The following SOCS6 variants were observed in gnomAD, a reference collection of about 807,000 sequenced individuals.
SOCS6 encodes suppressor of cytokine signaling 6.
In SOCS6, 5 loss-of-function variants were observed where a neutral mutation model predicts 27.7. The observed-to-expected ratio is 0.18, with a 90% CI of 0.09 to 0.38. SOCS6 has a LOEUF of 0.38. Among genes scored for constraint, SOCS6 ranks in the 10% least tolerant of loss-of-function variants. The pLI is 1.00. For synonymous variants in SOCS6, 271 were observed against 260.0 expected (o/e 1.04, Z -0.41); for missense variants, 595 against 688.1 (o/e 0.86, Z 1.51).
At chr18:70,312,173 T>C (rs2062393165) in intron 1 of SOCS6, among the ~76,000 whole-genome samples, 1 of 152,222 alleles carries the variant, frequency 6.6e-6, no homozygotes, top group South Asian at 2.1e-4. Flanking sequence ...GGAGCCAGAA[T>C]ATAGTACGTG....
chr18:70,311,940 G>A (rs191320926), intron 1 of SOCS6, among the ~76,000 whole-genome samples: 1 of 150,144 alleles, frequency 6.7e-6, no homozygotes, highest in Non-Finnish European at 1.5e-5. Flanking sequence ...AAAATCAGTT[G>A]TGTGACTTTA....
intron 1 of SOCS6, among the ~76,000 whole-genome samples, chr18:70,308,985 T>A (rs574349094): frequency 4.6e-5 from 7 of 152,336 alleles, no homozygotes; most frequent in African/African-American, 1.4e-4. Context: ...GTTTCTTTTT[T>A]AAAAAAGATT....
At chr18:70,293,361 G>C (rs1197445118) in intron 1 of SOCS6, among the ~76,000 whole-genome samples, 1 of 152,140 alleles carries the variant, frequency 6.6e-6, no homozygotes, top group Non-Finnish European at 1.5e-5. Context: ...AGAGACAACT[G>C]TCACTGCCTG....
At position 70,326,293 on chromosome 18, in the gene SOCS6, C is replaced by T; in HGVS notation, c.*17C>T. ...CACTACTGAAAGATTGAGAACCCTGCATCTTGCACTTTGGGAATAAGAACA... is the reference window on the plus strand; with the variant it reads ...CACTACTGAAAGATTGAGAACCCTGTATCTTGCACTTTGGGAATAAGAACA... On this transcript the variant is annotated 3_prime_UTR_variant, in exon 2 of 2. Transcript: ENST00000397942. 1 of 1,575,320 alleles carries T rather than the reference C, an allele frequency of 6.3e-7. No individual in the cohort carries two copies. Among genetic ancestry groups the T allele is most frequent in the South Asian group, 1.2e-5 (1 of 85,740 alleles).
rs370311027 is a variant in SOCS6, at chr18:70,326,052, A to G, written c.1384A>G (p.Ile462Val). ...TSIVDLIEHS[I>V]RDSENGAFCY... ...CATAGTTGATCTAATTGAGCATTCA[A>G]TCAGGGACTCTGAAAATGGAGCTTT... The change falls in exon 2 of 2, where the codon ATC (isoleucine) becomes GTC (valine). Residue 462 changes from isoleucine to valine, a missense_variant. Ile to Val is a conservative substitution (Grantham distance 29). Around this residue, in one of 2 missense-constraint regions of SOCS6, gnomAD observed 128 missense variants for 207.0 expected, o/e 0.62. Transcript: ENST00000397942. 3.7e-5 allele frequency: 60 copies of G among 1,614,130 alleles called. No individual in the cohort carries two copies. Among genetic ancestry groups the G allele is most frequent in the Admixed American group, 2.0e-4 (12 of 60,012 alleles).
At chr18:70,323,564 G>A (rs946930976) in intron 1 of SOCS6, among the ~76,000 whole-genome samples, 2 of 152,136 alleles carry the variant, frequency 1.3e-5, no homozygotes, top group African/African-American at 4.8e-5. Context: ...AGACACATGG[G>A]TTTTTATGGG....
intron 1 of SOCS6, among the ~76,000 whole-genome samples, chr18:70,289,419 G>A (rs956900293): frequency 6.8e-6 from 1 of 147,646 alleles, no homozygotes; most frequent in Non-Finnish European, 1.5e-5. Context: ...GCGCGGCCGC[G>A]GACGGCTCTT....
chr18:70,321,312 GTTTTTTTTTTTT>G (rs763120236), intron 1 of SOCS6, among the ~76,000 whole-genome samples: 2 of 68,676 alleles, frequency 2.9e-5, no homozygotes, highest in Non-Finnish European at 5.2e-5. Flanking sequence ...AATTTTCTCA[GTTTTTTTTTTTT>G]TTTTTTTTTT....
At chr18:70,300,043 A>G (rs2053420) in intron 1 of SOCS6, among the ~76,000 whole-genome samples, 66,918 of 152,098 alleles carry the variant, frequency 0.44, 15,421 homozygotes, top group East Asian at 0.76. Flanking sequence ...ATGAATTGGC[A>G]TATATATTTA....
chr18:70,325,731 G>A lies in SOCS6; in HGVS notation c.1063G>A (p.Ala355Thr), dbSNP rs766630290. The A allele has an allele frequency of 1.9e-6, 3 of 1,614,220 alleles. No homozygotes were observed. Among genetic ancestry groups the A allele is most frequent in the East Asian group, 4.5e-5 (2 of 44,882 alleles). The change falls in exon 2 of 2, where the codon GCA becomes ACA. Residue 355 changes from alanine (A) to threonine (T), a missense_variant. Physicochemically the swap from Ala to Thr is moderately conservative, Grantham distance 58. This residue lies in a region of SOCS6 where 467 missense variants were observed against 481.1 expected (regional missense o/e 0.97). Coordinates refer to ENST00000397942, the MANE Select transcript of SOCS6 (RefSeq NM_004232.4). The surrounding 1 kb of genome is among the most constrained non-coding windows in gnomAD (Gnocchi z 6.3). ...NFDPNSAPGV[A>T]RVYDSVQSSG... Reference sequence around the variant, plus strand: ...TGATCCGAACTCTGCTCCTGGGGTTGCAAGAGTTTATGACTCAGTGCAAAG... The same window carrying A: ...TGATCCGAACTCTGCTCCTGGGGTTACAAGAGTTTATGACTCAGTGCAAAG...
At chr18:70,309,242 C>G (rs1397670459) in intron 1 of SOCS6, among the ~76,000 whole-genome samples, 1 of 151,614 alleles carries the variant, frequency 6.6e-6, no homozygotes, top group Non-Finnish European at 1.5e-5. Flanking sequence ...GTTTTTTTAT[C>G]ATTAAATAAT....
At chr18:70,319,820 A>G (rs891554052) in intron 1 of SOCS6, among the ~76,000 whole-genome samples, 23 of 152,138 alleles carry the variant, frequency 1.5e-4, no homozygotes, top group African/African-American at 5.5e-4. Context: ...TGGCTACACT[A>G]GCTAACTAGC....
At chr18:70,296,389 C>A (rs1425871412) in intron 1 of SOCS6, among the ~76,000 whole-genome samples, 2 of 152,214 alleles carry the variant, frequency 1.3e-5, no homozygotes, top group African/African-American at 4.8e-5. Context: ...GACGCCGCCT[C>A]CCTTGGCCTC....
chr18:70,294,372 G>T (rs2062314235), intron 1 of SOCS6, among the ~76,000 whole-genome samples: 1 of 151,842 alleles, frequency 6.6e-6, no homozygotes, highest in African/African-American at 2.4e-5. Context: ...TCTTTGGAGG[G>T]GAGTTCCCTC....
chr18:70,318,135 C>T (rs527440399), intron 1 of SOCS6, among the ~76,000 whole-genome samples: 2 of 152,254 alleles, frequency 1.3e-5, no homozygotes, highest in East Asian at 3.9e-4. Context: ...GGATGACAGG[C>T]GTGAACCACT....
intron 1 of SOCS6, among the ~76,000 whole-genome samples, chr18:70,305,353 A>C (rs1189500742): frequency 6.6e-6 from 1 of 152,240 alleles, no homozygotes; most frequent in African/African-American, 2.4e-5. Context: ...ATTTGTCAAG[A>C]AGACTTTCCT....
At chr18:70,295,097 A>G (rs1197591445) in intron 1 of SOCS6, among the ~76,000 whole-genome samples, 3 of 152,198 alleles carry the variant, frequency 2.0e-5, no homozygotes, top group Admixed American at 2.0e-4. Context: ...CCAGCAGATA[A>G]ATTTGGTCAT....
rs1600169610 is a variant in SOCS6 at position 70,324,553 on chromosome 18, C to T, written c.-116C>T. 4 of 676,970 alleles carry T rather than the reference C, an allele frequency of 5.9e-6. No individual in the cohort carries two copies. Among genetic ancestry groups the T allele is most frequent in the East Asian group, 5.4e-5 (2 of 37,200 alleles). The allele number at this position is 676,970 out of a possible 1,614,324, so 41.9% of individuals were successfully genotyped here. On this transcript the variant is annotated 5_prime_UTR_variant, in exon 2 of 2. Transcript: ENST00000397942. ...ATTTTTATTTTTTAGAAAATGGCTC[C>T]AAAGGTTAAATGAAGCAGGAAAAAT... is the stretch of plus-strand genomic sequence containing the variant.
At chr18:70,298,504 A>G (rs1271299946) in intron 1 of SOCS6, among the ~76,000 whole-genome samples, 3 of 152,176 alleles carry the variant, frequency 2.0e-5, no homozygotes, top group Admixed American at 6.5e-5. Flanking sequence ...TGTATTATAT[A>G]TATATCAGAA....
Sources: gnomAD v4.1 joint callset for allele counts (sites outside exome capture counted in the v4.1 genomes callset) on GRCh38, gnomAD v4.1.1 for gene constraint, gnomAD v4.1.1 regional missense constraint, Gnocchi (gnomAD v3.1) non-coding constraint, MANE v1.5 for transcripts, NCBI Gene and HGNC (gene_info 2026-07-23, HGNC 2026-07-21) for gene names.